The following PCDH15 variants were observed in gnomAD, a reference collection of about 807,000 sequenced individuals.
PCDH15 encodes protocadherin-15.
In PCDH15, 129 loss-of-function variants were observed where a neutral mutation model predicts 178.5. That is an observed-to-expected ratio of 0.72 (90% CI 0.63 to 0.84). The LOEUF is 0.84. Among genes scored for constraint, PCDH15 ranks in the 40% least tolerant of loss-of-function variants. The pLI, the probability that PCDH15 is intolerant of heterozygous loss-of-function variation, is 0.00. For synonymous variants in PCDH15, 800 were observed against 732.0 expected, an observed-to-expected ratio of 1.09 and a Z score of -1.50; for missense variants, 2,230 against 2,099.9, an observed-to-expected ratio of 1.06 and a Z score of -1.21.
intron 30 of PCDH15, 114 bp from the exon 31 acceptor site, chr10:53,828,687 A>G (rs1332242381): frequency 3.3e-6 from 3 of 900,910 alleles, no homozygotes; most frequent in African/African-American, 1.7e-5. Flanking sequence ...CGTTAAATTC[A>G]TAATGACAGA....
At chr10:55,554,457 G>T (rs1214896273) in intron 2 of PCDH15, among the ~76,000 whole-genome samples, 2 of 151,894 alleles carry the variant, frequency 1.3e-5, no homozygotes, top group Non-Finnish European at 2.9e-5. Context: ...ACCTTAGTGA[G>T]GTACAATTAT....
At chr10:53,925,543 A>T (rs2084457093) in intron 25 of PCDH15, among the ~76,000 whole-genome samples, 1 of 152,202 alleles carries the variant, frequency 6.6e-6, no homozygotes, top group African/African-American at 2.4e-5. Context: ...ACACAGTTGG[A>T]TCTGAGTTAG....
In PCDH15 at chr10:55,100,250, T is replaced by C. The variant is rs189179018; in HGVS notation, c.-80+66326A>G. On this transcript the variant is annotated intron_variant, in intron 2 of 5. Transcript: ENST00000458638. Reference sequence around the variant, plus strand: ...TGTGTTTTAGAGTCCCTAAACTACATTTCTTTAGCTTTCAAAAAATTTAAT... The same window carrying C: ...TGTGTTTTAGAGTCCCTAAACTACACTTCTTTAGCTTTCAAAAAATTTAAT... Among the ~76,000 whole-genome samples, 201 of 152,274 alleles carry C rather than the reference T, an allele frequency of 1.3e-3. 1 individual carries two copies. The highest frequency in any genetic ancestry group is 4.5e-3 in the African/African-American group (187 of 41,572).
At chr10:54,134,069 A>T (rs1002654410) in intron 14 of PCDH15, among the ~76,000 whole-genome samples, 1 of 134,834 alleles carries the variant, frequency 7.4e-6, no homozygotes, top group African/African-American at 2.6e-5. Context: ...TTTGAGACGG[A>T]GAGTTGCTCT....
At position 54,818,803 on chromosome 10, in the gene PCDH15, T is replaced by C. The variant is rs150290611; in HGVS notation, c.-29+78647A>G. 5.9e-3 allele frequency among the ~76,000 whole-genome samples: 901 copies of C among 152,162 alleles called. 8 individuals carry two copies. The highest frequency in any genetic ancestry group is 0.02 in the African/African-American group (837 of 41,532). On this transcript the variant is annotated intron_variant, in intron 3 of 5. Transcript: ENST00000458638. Reference sequence around the variant, plus strand: ...TCATGAAAACACACAGAATATGAGATATAATACAATTTGATTGTTGCTTTA... The same window carrying C: ...TCATGAAAACACACAGAATATGAGACATAATACAATTTGATTGTTGCTTTA...
chr10:54,405,325 A>T (rs1952505996), intron 3 of PCDH15, among the ~76,000 whole-genome samples: 1 of 152,124 alleles, frequency 6.6e-6, no homozygotes, highest in Non-Finnish European at 1.5e-5. Context: ...GGTACATTCC[A>T]TGTGTACCAC....
rs1325354762 is a variant in PCDH15, at chr10:54,020,352, A to C, written c.2591T>G (p.Phe864Cys). The change falls in exon 20 of 38, where the codon TTT becomes TGT. Residue 864 changes from phenylalanine to cysteine, a missense_variant. Phe to Cys is a radical substitution (Grantham distance 205, BLOSUM62 -2). Coordinates refer to ENST00000644397, the MANE Select transcript of PCDH15 (RefSeq NM_001384140.1). ...YRIRSPEVKH[F>C]FALHPFTGEL... ...TCCTGTAAATGGATGTAGTGCAAAA[A>C]AGTGCTTCACTTCTGGGCTTCTTAT... 5 of 1,613,868 alleles carry C rather than the reference A, an allele frequency of 3.1e-6. No homozygotes were observed. Among genetic ancestry groups the C allele is most frequent in the Non-Finnish European group, 4.2e-6 (5 of 1,179,830 alleles).
chr10:54,478,715 T>C (rs551374758), intron 3 of PCDH15, among the ~76,000 whole-genome samples: 1 of 152,208 alleles, frequency 6.6e-6, no homozygotes, highest in South Asian at 2.1e-4. Context: ...TAAAAATAAT[T>C]GGTGAATTAA....
chr10:53,875,363 T>C (rs2080154460), intron 26 of PCDH15, among the ~76,000 whole-genome samples: 1 of 152,042 alleles, frequency 6.6e-6, no homozygotes, highest in African/African-American at 2.4e-5. Context: ...TATTCTATAA[T>C]TTATTAATAG....
chr10:55,600,936 G>A (rs1843063198), intron 2 of PCDH15, among the ~76,000 whole-genome samples: 1 of 151,908 alleles, frequency 6.6e-6, no homozygotes, highest in Non-Finnish European at 1.5e-5. Context: ...TGGGAGTTGT[G>A]GTACAGATAT....
intron 18 of PCDH15, among the ~76,000 whole-genome samples, chr10:54,052,905 T>G (rs1264452907): frequency 6.6e-6 from 1 of 152,182 alleles, no homozygotes; most frequent in Non-Finnish European, 1.5e-5. Context: ...ACAAGATTGA[T>G]GGTTTTCTAA....
chr10:54,658,084 T>C (rs7071938), intron 2 of PCDH15, among the ~76,000 whole-genome samples: 5,416 of 151,876 alleles, frequency 0.036, 313 homozygotes, highest in African/African-American at 0.13. Flanking sequence ...GTCACACAAA[T>C]ATAAAGAAAA....
chr10:55,093,036 G>C (rs1046430306), intron 2 of PCDH15, among the ~76,000 whole-genome samples: 1 of 152,008 alleles, frequency 6.6e-6, no homozygotes, highest in Admixed American at 6.6e-5. Flanking sequence ...GCACAATGAA[G>C]ATGAACTGTG....
chr10:54,301,446 G>A (rs1446503050), intron 8 of PCDH15, among the ~76,000 whole-genome samples: 1 of 152,044 alleles, frequency 6.6e-6, no homozygotes, highest in Non-Finnish European at 1.5e-5. Flanking sequence ...TTGTTTTCTG[G>A]AAAACAAACT....
intron 5 of PCDH15, among the ~76,000 whole-genome samples, chr10:54,368,689 A>AT (rs1947173743): frequency 6.6e-6 from 1 of 151,984 alleles, no homozygotes; most frequent in African/African-American, 2.4e-5. Context: ...TCAGAACTTG[A>AT]TTTTAAAATC....
chr10:53,942,944 T>A (rs1037344185), intron 23 of PCDH15, among the ~76,000 whole-genome samples: 2 of 152,160 alleles, frequency 1.3e-5, no homozygotes, highest in Non-Finnish European at 2.9e-5. Context: ...TTATGACAGA[T>A]CAAGATACAT....
At chr10:54,772,104 T>C (rs74136280) in intron 1 of PCDH15, among the ~76,000 whole-genome samples, 5,996 of 152,248 alleles carry the variant, frequency 0.039, 422 homozygotes, top group African/African-American at 0.14. Context: ...TATAAGCTGT[T>C]GAGGAATATA....
intron 1 of PCDH15, among the ~76,000 whole-genome samples, chr10:54,741,035 G>A (rs893138041): frequency 2.0e-4 from 31 of 151,678 alleles, no homozygotes; most frequent in African/African-American, 7.5e-4. Flanking sequence ...TCAACACAAA[G>A]AAATGATAAA....
At chr10:54,997,207 A>T (rs1398124390) in intron 2 of PCDH15, among the ~76,000 whole-genome samples, 1 of 152,096 alleles carries the variant, frequency 6.6e-6, no homozygotes, top group South Asian at 2.1e-4. Context: ...AACAAAGTTT[A>T]CCCATGTGAC....
Sources: allele counts gnomAD v4.1 joint callset (sites outside exome capture counted in the v4.1 genomes callset), GRCh38; gene constraint gnomAD v4.1.1; transcripts MANE v1.5; gene names NCBI Gene and HGNC (gene_info 2026-07-23, HGNC 2026-07-21).